Variants in LMLN observed in about 807,000 individuals in gnomAD.
The protein encoded by LMLN is leishmanolysin like peptidase.
Under a neutral mutation model 92.3 loss-of-function variants are expected in LMLN, and 70 were observed. That is an observed-to-expected ratio of 0.76 (90% CI 0.63 to 0.92). LMLN has a LOEUF of 0.92. LMLN is among the 40% of genes least tolerant of loss of function. The probability of loss-of-function intolerance (pLI) is 0.00; values close to 1 mark genes in which losing one functional copy is unlikely to be tolerated. For missense variants in LMLN, 691 were observed against 814.6 expected (o/e 0.85, Z 1.85); for synonymous variants, 308 against 296.2 (o/e 1.04, Z -0.41).
intron 14 of LMLN, among the ~76,000 whole-genome samples, 174 bp downstream of exon 15, chr3:198,024,962 T>C (rs1469846643): frequency 6.6e-6 from 1 of 152,250 alleles, no homozygotes; most frequent in Admixed American, 6.5e-5. Context: ...AATATTGTCA[T>C]TTCTTTAGAA....
chr3:197,963,481 G>A (rs536984188), intron 1 of LMLN, among the ~76,000 whole-genome samples: 127 of 152,242 alleles, frequency 8.3e-4, no homozygotes, highest in African/African-American at 3.0e-3. Flanking sequence ...ATGAGCCGCC[G>A]TGCCCAGCCA....
chr3:198,012,834 A>C (rs1288532375), intron 11 of LMLN, among the ~76,000 whole-genome samples: 1 of 145,792 alleles, frequency 6.9e-6, no homozygotes, highest in African/African-American at 2.7e-5. Flanking sequence ...ACTTCTCTCC[A>C]CCCTTCAGAG....
At chr3:198,015,127 G>C (rs1175074794) in intron 11 of LMLN, among the ~76,000 whole-genome samples, 5 of 106,238 alleles carry the variant, frequency 4.7e-5, no homozygotes, top group African/African-American at 1.5e-4. Context: ...TGACTTCTCT[G>C]TACCTTTCAG....
exon 5 of LMLN, chr3:197,976,640 T>C: frequency 6.2e-7 from 1 of 1,601,296 alleles, no homozygotes; most frequent in Non-Finnish European, 8.5e-7. Flanking sequence ...AAAACGATCC[T>C]CACAGGTACT....
At chr3:197,999,844 C>T (rs113443923) in intron 11 of LMLN, 9,925 of 151,940 alleles carry the variant, frequency 0.065, 379 homozygotes, top group African/African-American at 0.1. Flanking sequence ...TTTGAGGCCC[C>T]GAGACATAGT....
chr3:198,026,116 G>C (rs1298822881), intron 14 of LMLN, among the ~76,000 whole-genome samples: 1 of 151,868 alleles, frequency 6.6e-6, no homozygotes, highest in African/African-American at 2.4e-5. Flanking sequence ...CACCACACCT[G>C]GCTGATTTTT....
intron 1 of LMLN, among the ~76,000 whole-genome samples, chr3:197,963,772 A>AT (rs1299652802): frequency 6.6e-6 from 1 of 152,188 alleles, no homozygotes; most frequent in African/African-American, 2.4e-5. Flanking sequence ...TCATTTATGT[A>AT]TTTTTTCCCC....
chr3:197,982,042 G>T (rs932443016), intron 6 of LMLN, among the ~76,000 whole-genome samples: 3 of 152,068 alleles, frequency 2.0e-5, no homozygotes, highest in African/African-American at 7.2e-5. Flanking sequence ...CTGACCTCAG[G>T]TGATCTGCCT....
chr3:197,961,043 T>G (rs776672214), intron 1 of LMLN, among the ~76,000 whole-genome samples: 12 of 152,228 alleles, frequency 7.9e-5, no homozygotes, highest in Admixed American at 3.3e-4. Flanking sequence ...TCTCTCTGCT[T>G]AAATTCTTTG....
chr3:197,999,230 A>T (rs1283627629), intron 10 of LMLN, 36 bp from the exon 11 acceptor site: 1 of 1,450,094 alleles, frequency 6.9e-7, no homozygotes. Flanking sequence ...AGTTGCAGAG[A>T]ATCTAGTCTA....
At chr3:198,015,589 TAACTAGTCTGACTTCTCTCCACCCTTC>T (rs1205209962) in intron 11 of LMLN, among the ~76,000 whole-genome samples, 9 of 137,994 alleles carry the variant, frequency 6.5e-5, no homozygotes, top group African/African-American at 2.2e-4. Flanking sequence ...CAGAGCCCCC[TAACTAGTCTGACTTCTCTCCACCCTTC>T]AGAGCCCCCT....
At chr3:198,035,787 C>G in intron 14 of LMLN, 46 bp from the exon 16 acceptor site, 1 of 1,365,092 alleles carries the variant, frequency 7.3e-7, no homozygotes, top group Non-Finnish European at 1.0e-6. Flanking sequence ...ATCTTACTGA[C>G]CTGATATTTA....
intron 11 of LMLN, among the ~76,000 whole-genome samples, chr3:198,003,605 A>G (rs1337957173): frequency 3.6e-5 from 5 of 138,552 alleles, no homozygotes; most frequent in Admixed American, 1.4e-4. Flanking sequence ...ATACAGATAC[A>G]TATCATACAT....
At chr3:197,976,005 T>C in intron 3 of LMLN, 24 bp from the exon 4 acceptor site, 2 of 649,314 alleles carry the variant, frequency 3.1e-6, no homozygotes, top group African/African-American at 2.1e-5. Context: ...ATTCTGTTTC[T>C]TTTTTTTTTT....
chr3:198,014,621 C>T (rs1193457116), intron 11 of LMLN, among the ~76,000 whole-genome samples: 4 of 113,030 alleles, frequency 3.5e-5, no homozygotes, highest in Non-Finnish European at 5.5e-5. Flanking sequence ...CCCTTCAGAG[C>T]CCCCTAACTA....
exon 16 of LMLN, chr3:198,043,480 C>A (rs1295634002): frequency 6.6e-6 from 1 of 152,514 alleles, no homozygotes; most frequent in Non-Finnish European, 1.5e-5. Context: ...TCCTTGCAGC[C>A]CAGGAGGACT....
chr3:198,024,382 A>C (rs974337973), intron 13 of LMLN, among the ~76,000 whole-genome samples: 3 of 151,836 alleles, frequency 2.0e-5, no homozygotes, highest in African/African-American at 7.3e-5. Flanking sequence ...CGCCCGGCTA[A>C]TTTTTTGTGT....
intron 15 of LMLN, 159 bp from the exon 17 acceptor site, chr3:198,038,406 AAC>A: frequency 1.7e-6 from 1 of 572,796 alleles, no homozygotes; most frequent in East Asian, 2.8e-5. Flanking sequence ...TTAAAAAAGA[AAC>A]AAAAACTTTT....
chr3:198,005,638 C>CTTTTTTTT (rs745643545), intron 11 of LMLN, among the ~76,000 whole-genome samples: 1 of 140,590 alleles, frequency 7.1e-6, no homozygotes, highest in Admixed American at 7.2e-5. Flanking sequence ...TTTTCTTTTT[C>CTTTTTTTT]TTTTTTTTTT....
Sources: gnomAD v4.1 joint callset for allele counts (sites outside exome capture counted in the v4.1 genomes callset) on GRCh38, gnomAD v4.1.1 for gene constraint, MANE v1.5 for transcripts, NCBI Gene and HGNC (gene_info 2026-07-23, HGNC 2026-07-21) for gene names.